GIGYF2: variants seen among roughly 807,000 people sequenced by gnomAD.
GIGYF2 encodes the protein GRB10 interacting GYF protein 2, also known as GRB10-interacting GYF protein 2.
GIGYF2 carries 25 observed loss-of-function variants against 208.1 expected under a neutral mutation model. That is an observed-to-expected ratio of 0.12 (90% confidence interval 0.09 to 0.17). GIGYF2 has a LOEUF of 0.17. GIGYF2 is among the 10% of genes least tolerant of loss of function. The pLI is 1.00. For synonymous variants in GIGYF2, 534 were observed against 543.8 expected (o/e 0.98, Z 0.25); for missense variants, 1,302 against 1,579.4 (o/e 0.82, Z 2.98).
intron 26 of GIGYF2, among the ~76,000 whole-genome samples, chr2:232,846,853 G>A (rs1348658873): frequency 6.6e-6 from 1 of 152,190 alleles, no homozygotes; most frequent in Non-Finnish European, 1.5e-5. Context: ...TCAGAGTCAG[G>A]TTTTAAACCC....
chr2:232,847,255 G>T (rs1158745917), intron 26 of GIGYF2, 93 bp from the exon 27 acceptor site: 1 of 1,200,284 alleles, frequency 8.3e-7, no homozygotes, highest in Non-Finnish European at 1.2e-6. Flanking sequence ...GTTTGATTAG[G>T]TATAAAGATA....
Position 232,761,358 on chromosome 2 carries a change from T to C in GIGYF2, c.492-38T>C, listed in dbSNP as rs746106591. Reference sequence around the variant, plus strand: ...GTCACAGATAGGAAATCTATATCACTGTGAGACTTTGTTTGAAACTTATTT... The same window carrying C: ...GTCACAGATAGGAAATCTATATCACCGTGAGACTTTGTTTGAAACTTATTT... On this transcript the variant is annotated intron_variant, in intron 7 of 28. Coordinates refer to ENST00000373563, the MANE Select transcript of GIGYF2 (RefSeq NM_001103146.3). 44 of 1,440,852 alleles carry C rather than the reference T, an allele frequency of 3.1e-5. 1 individual carries two copies. In the South Asian group the frequency reaches 4.9e-4, roughly 16 times the overall value. The allele number at this position is 1,440,852 out of a possible 1,614,324, so 89.3% of individuals were successfully genotyped here.
At chr2:232,715,571 G>A (rs1046870016) in intron 2 of GIGYF2, among the ~76,000 whole-genome samples, 3 of 151,056 alleles carry the variant, frequency 2.0e-5, no homozygotes, top group African/African-American at 7.3e-5. Context: ...ACTTTTGTTG[G>A]CTTTCTGGGA....
intron 3 of GIGYF2, among the ~76,000 whole-genome samples, chr2:232,741,130 TATA>T (rs1157935081): frequency 1.3e-5 from 2 of 152,236 alleles, no homozygotes; most frequent in Non-Finnish European, 2.9e-5. Flanking sequence ...TTAGATGTCT[TATA>T]AGCATCTCAT....
chr2:232,773,680 C>T (rs1699377336), intron 8 of GIGYF2, among the ~76,000 whole-genome samples: 1 of 151,844 alleles, frequency 6.6e-6, no homozygotes, highest in Non-Finnish European at 1.5e-5. Context: ...ATAATATTAG[C>T]TAATATATAT....
At chr2:232,834,758 G>A (rs143783191) in intron 22 of GIGYF2, among the ~76,000 whole-genome samples, 1 of 151,876 alleles carries the variant, frequency 6.6e-6, no homozygotes, top group Non-Finnish European at 1.5e-5. Context: ...TCTATTCTTT[G>A]TGTAATCTGT....
At chr2:232,835,708 C>T (rs1246294668) in intron 22 of GIGYF2, among the ~76,000 whole-genome samples, 2 of 152,136 alleles carry the variant, frequency 1.3e-5, no homozygotes, top group African/African-American at 4.8e-5. Context: ...TGTTGAAGCC[C>T]TTGCTCTTGC....
intron 16 of GIGYF2, among the ~76,000 whole-genome samples, 168 bp downstream of exon 16, chr2:232,809,979 CATTTATTT>C (rs35451202): frequency 5.3e-5 from 8 of 151,410 alleles, no homozygotes; most frequent in African/African-American, 1.9e-4. Flanking sequence ...TTAGTGTTGT[CATTTATTT>C]ATTTATTTAT....
chr2:232,855,922 G>C (rs1690548195), intron 28 of GIGYF2, among the ~76,000 whole-genome samples: 1 of 113,862 alleles, frequency 8.8e-6, no homozygotes, highest in Non-Finnish European at 1.8e-5. Flanking sequence ...TGGTTTGCAG[G>C]GGGTTTTTTT....
At chr2:232,775,394 T>C (rs192396598) in intron 8 of GIGYF2, among the ~76,000 whole-genome samples, 296 of 152,364 alleles carry the variant, frequency 1.9e-3, no homozygotes, top group Non-Finnish European at 3.0e-3. Flanking sequence ...TACAGACTTA[T>C]GTAAACAAAC....
In GIGYF2 at chr2:232,738,870, G is replaced by C. The variant is rs368012893; in HGVS notation, c.41+3632G>C. Among the ~76,000 whole-genome samples, 5 of 152,128 alleles carry C rather than the reference G, an allele frequency of 3.3e-5. No homozygotes were observed. In the East Asian group the frequency reaches 5.8e-4, roughly 18 times the overall value. ...ATATGGACAGTTTGACCACTAGAAGGATTTTATGAATTGAATTGTCATCTC... is the reference window on the plus strand; with the variant it reads ...ATATGGACAGTTTGACCACTAGAAGCATTTTATGAATTGAATTGTCATCTC... On this transcript the variant is annotated intron_variant, in intron 3 of 28. Coordinates refer to ENST00000373563, the MANE Select transcript of GIGYF2 (RefSeq NM_001103146.3).
chr2:232,710,055 G>C (rs930258012), intron 2 of GIGYF2, among the ~76,000 whole-genome samples: 5 of 151,934 alleles, frequency 3.3e-5, no homozygotes, highest in African/African-American at 1.2e-4. Flanking sequence ...TGCCTCCCGG[G>C]TTCATGCCAT....
chr2:232,790,516 G>A (rs567459756), intron 9 of GIGYF2, among the ~76,000 whole-genome samples, 182 bp from the exon 10 acceptor site: 11 of 152,146 alleles, frequency 7.2e-5, no homozygotes, highest in African/African-American at 2.4e-4. Context: ...TTGTCATCTC[G>A]TAATGGTACA....
At position 232,794,965 on chromosome 2, in the gene GIGYF2, T is replaced by C. The variant is rs777017993; in HGVS notation, c.1479+21T>C. Reference sequence around the variant, plus strand: ...AGCAGGTAAAAATCCTGTTAATTCTTTTTGTCTCCTCTTAAACTGCCGTAA... The same window carrying C: ...AGCAGGTAAAAATCCTGTTAATTCTCTTTGTCTCCTCTTAAACTGCCGTAA... On this transcript the variant is annotated intron_variant, in intron 13 of 28. Transcript: ENST00000373563. 5 of 1,552,938 alleles carry C rather than the reference T, an allele frequency of 3.2e-6. No homozygotes were observed. In the East Asian group the frequency reaches 9.0e-5, roughly 28 times the overall value.
At position 232,811,348 on chromosome 2, in the gene GIGYF2, T is replaced by C. The variant is rs761261641; in HGVS notation, c.2003T>C (p.Met668Thr). 4 of 1,546,232 alleles carry C rather than the reference T, an allele frequency of 2.6e-6. No individual in the cohort carries two copies. The highest frequency in any genetic ancestry group is 1.7e-5 in the Admixed American group (1 of 59,934). The change falls in exon 17 of 29, where the codon ATG becomes ACG. Residue 668 changes from methionine to threonine, a missense_variant. Physicochemically the swap from Met to Thr is moderately conservative, Grantham distance 81. This residue lies in a region of GIGYF2 where 701 missense variants were observed against 793.0 expected (regional missense o/e 0.88). Transcript: ENST00000373563. ...CTTCAACAGTTTCAGACCTTGAAGA[T>C]GAGGTTGGTGGTCATTCCATTATGT... ...LLLQQFQTLK[M>T]RISDQNIIPS...
intron 28 of GIGYF2, among the ~76,000 whole-genome samples, chr2:232,851,785 A>G (rs1351833551): frequency 3.3e-5 from 5 of 152,226 alleles, no homozygotes; most frequent in African/African-American, 1.2e-4. Flanking sequence ...CTGCAATAGA[A>G]TACATTCGCA....
intron 3 of GIGYF2, among the ~76,000 whole-genome samples, chr2:232,741,786 G>GGCAGA (rs1237776717): frequency 6.6e-6 from 1 of 151,970 alleles, no homozygotes. Flanking sequence ...CCTCACAGCA[G>GGCAGA]GCAGAGTAAT....
At chr2:232,808,133 G>A (rs2106381613) in intron 15 of GIGYF2, among the ~76,000 whole-genome samples, 1 of 152,302 alleles carries the variant, frequency 6.6e-6, no homozygotes, top group African/African-American at 2.4e-5. Flanking sequence ...TTTGTGGAGA[G>A]CAGTGGTCTA....
At chr2:232,708,172 C>T (rs1696214200) in intron 2 of GIGYF2, among the ~76,000 whole-genome samples, 1 of 152,096 alleles carries the variant, frequency 6.6e-6, no homozygotes, top group Non-Finnish European at 1.5e-5. Flanking sequence ...GTTGCCCAGG[C>T]TGGTCTTGAA....
Sources: gnomAD v4.1 joint callset for allele counts (sites outside exome capture counted in the v4.1 genomes callset) on GRCh38, gnomAD v4.1.1 for gene constraint, gnomAD v4.1.1 regional missense constraint, MANE v1.5 for transcripts, NCBI Gene and HGNC (gene_info 2026-07-23, HGNC 2026-07-21) for gene names.